AMZ1: variants seen among roughly 807,000 people sequenced by gnomAD.
AMZ1 encodes the protein archaemetzincin-1.
In AMZ1, 39 loss-of-function variants were observed where a neutral mutation model predicts 29.9. That is an observed-to-expected ratio of 1.30 (90% confidence interval 1.01 to 1.70). The LOEUF is 1.70. Among genes scored for constraint, AMZ1 ranks in the 40% most tolerant of loss-of-function variants. The pLI is 0.00. For missense variants in AMZ1, 1,041 were observed against 680.6 expected, an observed-to-expected ratio of 1.53 and a Z score of -5.89; for synonymous variants, 458 against 304.0, an observed-to-expected ratio of 1.51 and a Z score of -5.27.
rs6979597 is a variant in AMZ1, at chr7:2,717,900, G to A, written c.*5022G>A. 0.32 allele frequency among the ~76,000 whole-genome samples: 48,301 copies of A among 152,056 alleles called. 8,305 individuals are homozygous for A. Among genetic ancestry groups the A allele is most frequent in the African/African-American group, 0.45 (18,580 of 41,462 alleles). On this transcript the variant is annotated 3_prime_UTR_variant, in exon 7 of 7. Transcript: ENST00000683327. Reference sequence around the variant, plus strand: ...AAGAAGCGTCCTGGGGTCACCACGCGTTCAGTCCAACTCTTCCCCGCTGCA... The same window carrying A: ...AAGAAGCGTCCTGGGGTCACCACGCATTCAGTCCAACTCTTCCCCGCTGCA...
chr7:2,690,042 G>T (rs375923801), intron 1 of AMZ1, among the ~76,000 whole-genome samples: 4 of 152,182 alleles, frequency 2.6e-5, no homozygotes, highest in Non-Finnish European at 4.4e-5. Flanking sequence ...TGGCCACAAG[G>T]CTTCTTGAGA....
In AMZ1 at chr7:2,700,463, T is replaced by C. The variant is rs1463193804; in HGVS notation, c.12T>C (p.Cys4=). Residue 4 remains cysteine, a synonymous_variant, in exon 2 of 7, where the codon TGT becomes TGC. Coordinates refer to ENST00000683327, the MANE Select transcript of AMZ1 (RefSeq NM_001384743.1). ...CCTGCCCGCCCACCATGCTGCAGTGTAGACCCGCACAGGAGTTCAGCTTCG... is the reference window on the plus strand; with the variant it reads ...CCTGCCCGCCCACCATGCTGCAGTGCAGACCCGCACAGGAGTTCAGCTTCG... The part of the protein sequence containing the change: MLQ[C]RPAQEFSFGP... 6.2e-7 allele frequency: 1 copy of C among 1,600,998 alleles called. No individual in the cohort carries two copies. The highest frequency in any genetic ancestry group is 1.1e-5 in the South Asian group (1 of 91,038).
intron 4 of AMZ1, among the ~76,000 whole-genome samples, chr7:2,746,430 A>G (rs1014837760): frequency 6.6e-6 from 1 of 152,254 alleles, no homozygotes; most frequent in Non-Finnish European, 1.5e-5. Context: ...TGGGTACATA[A>G]TGAAATGAAG....
intron 4 of AMZ1, among the ~76,000 whole-genome samples, chr7:2,746,938 C>G (rs542192829): frequency 3.9e-5 from 6 of 152,066 alleles, no homozygotes; most frequent in Middle Eastern, 3.4e-3. Flanking sequence ...ATAAATTCCT[C>G]GACACATACA....
intron 4 of AMZ1, among the ~76,000 whole-genome samples, chr7:2,757,625 C>A (rs898475950): frequency 6.6e-6 from 1 of 152,194 alleles, no homozygotes; most frequent in Non-Finnish European, 1.5e-5. Context: ...GCTGCTGACC[C>A]AAGCACATTG....
chr7:2,740,426 C>G (rs1246261960), intron 4 of AMZ1, among the ~76,000 whole-genome samples: 1 of 152,172 alleles, frequency 6.6e-6, no homozygotes, highest in Non-Finnish European at 1.5e-5. Flanking sequence ...CAGTGAGAAG[C>G]TGGCCGTCTG....
At chr7:2,709,892 G>A (rs1015650707) in intron 6 of AMZ1, 76 bp downstream of exon 6, 53 of 1,561,932 alleles carry the variant, frequency 3.4e-5, no homozygotes, top group Non-Finnish European at 4.3e-5. Flanking sequence ...TGGAGGCTAC[G>A]CAGGGCATGG....
At chr7:2,685,507 G>A (rs1787043579), upstream of AMZ1, among the ~76,000 whole-genome samples, 2 of 150,892 alleles carry the variant, frequency 1.3e-5, no homozygotes, top group Admixed American at 6.6e-5. Flanking sequence ...GCAGTGAGCC[G>A]AGATCGCGCC....
intron 4 of AMZ1, among the ~76,000 whole-genome samples, chr7:2,750,181 C>G (rs1312324672): frequency 6.6e-6 from 1 of 152,136 alleles, no homozygotes; most frequent in Non-Finnish European, 1.5e-5. Context: ...AGTCGTCACT[C>G]CCATCCTCAC....
At chr7:2,688,904 T>C (rs1787216422) in intron 1 of AMZ1, among the ~76,000 whole-genome samples, 1 of 152,172 alleles carries the variant, frequency 6.6e-6, no homozygotes, top group East Asian at 1.9e-4. Flanking sequence ...TGGCAAACTT[T>C]ACAAAGGACA....
intron 3 of AMZ1, among the ~76,000 whole-genome samples, chr7:2,704,014 G>A (rs992263680): frequency 2.0e-5 from 3 of 152,130 alleles, no homozygotes; most frequent in Non-Finnish European, 4.4e-5. Flanking sequence ...TCAGCCTCCC[G>A]CGTAGCTGGG....
At position 2,716,697 on chromosome 7, in the gene AMZ1, C is replaced by A. The variant is rs186657366; in HGVS notation, c.*3819C>A. Reference sequence around the variant, plus strand: ...ACGGCCAGGCCTCGGAGAGAGGGACCGGCTGCCCTGCCCAAGGCCCACCTG... The same window carrying A: ...ACGGCCAGGCCTCGGAGAGAGGGACAGGCTGCCCTGCCCAAGGCCCACCTG... On this transcript the variant is annotated 3_prime_UTR_variant, in exon 7 of 7. Coordinates refer to ENST00000683327, the MANE Select transcript of AMZ1 (RefSeq NM_001384743.1). 5.9e-5 allele frequency among the ~76,000 whole-genome samples: 9 copies of A among 152,224 alleles called. No individual in the cohort carries two copies. Among genetic ancestry groups the A allele is most frequent in the African/African-American group, 2.2e-4 (9 of 41,458 alleles).
chr7:2,704,904 C>A (rs779690337), intron 3 of AMZ1, among the ~76,000 whole-genome samples: 4 of 152,172 alleles, frequency 2.6e-5, no homozygotes, highest in Non-Finnish European at 5.9e-5. Flanking sequence ...CCCAGTGTCA[C>A]ATTTTTATAG....
intron 4 of AMZ1, among the ~76,000 whole-genome samples, chr7:2,725,867 G>T (rs559504241): frequency 6.6e-6 from 1 of 152,236 alleles, no homozygotes; most frequent in East Asian, 1.9e-4. Flanking sequence ...TCCAGGGCAC[G>T]CAGTGCCAGA....
chr7:2,688,636 C>T (rs1023980229), intron 1 of AMZ1, among the ~76,000 whole-genome samples: 1 of 152,164 alleles, frequency 6.6e-6, no homozygotes, highest in Non-Finnish European at 1.5e-5. Flanking sequence ...GGGGACGGGT[C>T]GGGAATCCAG....
intron 1 of AMZ1, among the ~76,000 whole-genome samples, chr7:2,688,688 C>T (rs528905393): frequency 3.3e-5 from 5 of 152,290 alleles, no homozygotes; most frequent in Admixed American, 2.0e-4. Flanking sequence ...CTGGGGCGAG[C>T]CAGGTGGGTG....
At chr7:2,705,628 C>CT (rs1788309066) in intron 3 of AMZ1, among the ~76,000 whole-genome samples, 1 of 152,214 alleles carries the variant, frequency 6.6e-6, no homozygotes, top group African/African-American at 2.4e-5. Flanking sequence ...TCTAAATTCC[C>CT]TAGGGTACTG....
chr7:2,763,516 C>T (rs1411378145), upstream of AMZ1, among the ~76,000 whole-genome samples: 1 of 152,218 alleles, frequency 6.6e-6, no homozygotes, highest in East Asian at 1.9e-4. Flanking sequence ...GAGGATGAAG[C>T]TCCAGTCCAT....
chr7:2,731,750 T>G lies in AMZ1; in HGVS notation n.550+21934T>G, dbSNP rs764178346. 4.0e-6 allele frequency: 6 copies of G among 1,497,772 alleles called. No individual in the cohort carries two copies. In the South Asian group the frequency reaches 6.7e-5, roughly 17 times the overall value. The allele number at this position is 1,497,772 out of a possible 1,614,324, so 92.8% of individuals were successfully genotyped here. On this transcript the variant is annotated intron_variant and non_coding_transcript_variant, in intron 4 of 4. Transcript: ENST00000489665. The surrounding 1 kb of genome is among the most constrained non-coding windows in gnomAD (Gnocchi z 6.0). ...ATATCTTGCTTACTAGGAAAGTAAT[T>G]CTGTAAAATACAGGATGAGGCAGAA...
Sources: allele counts gnomAD v4.1 joint callset (sites outside exome capture counted in the v4.1 genomes callset), GRCh38; gene constraint gnomAD v4.1.1; non-coding constraint Gnocchi (gnomAD v3.1); transcripts MANE v1.5; gene names NCBI Gene and HGNC (gene_info 2026-07-23, HGNC 2026-07-21).